EXOC4: variants seen among roughly 807,000 people sequenced by gnomAD.
The protein encoded by EXOC4 is exocyst complex component 4, also known as SEC8-like 1.
Under a neutral mutation model 107.2 loss-of-function variants are expected in EXOC4, and 71 were observed. The observed-to-expected ratio is 0.66, with a 90% CI of 0.55 to 0.81. EXOC4 has a LOEUF of 0.81. EXOC4 is among the 30% of genes least tolerant of loss of function. The pLI is 0.00. For synonymous variants in EXOC4, 456 were observed against 441.2 expected (o/e 1.03, Z -0.42); for missense variants, 1,108 against 1,189.6 (o/e 0.93, Z 1.01).
chr7:133,524,596 C>T (rs1800044772), intron 9 of EXOC4, among the ~76,000 whole-genome samples: 2 of 149,782 alleles, frequency 1.3e-5, no homozygotes, highest in Admixed American at 6.7e-5. Context: ...AGTCTTTAAT[C>T]CATCTTGAAT....
the EXOC4 span, among the ~76,000 whole-genome samples, chr7:134,080,994 G>A: frequency 1.3e-5 from 2 of 152,022 alleles, no homozygotes; most frequent in Non-Finnish European, 2.9e-5. Context: ...ACCTCCTTTA[G>A]GTCTCTGCTT....
chr7:133,777,775 A>C (rs1796377178), intron 10 of EXOC4, among the ~76,000 whole-genome samples: 1 of 152,222 alleles, frequency 6.6e-6, no homozygotes, highest in South Asian at 2.1e-4. Flanking sequence ...GATAATGATC[A>C]GTACCACCTT....
chr7:134,088,460 T>C, the EXOC4 span, among the ~76,000 whole-genome samples: 1 of 152,172 alleles, frequency 6.6e-6, no homozygotes. Flanking sequence ...AATTGTTTTC[T>C]TGTCTTTGAA....
At chr7:133,268,811 G>T (rs572418853) in intron 1 of EXOC4, among the ~76,000 whole-genome samples, 2 of 151,986 alleles carry the variant, frequency 1.3e-5, no homozygotes, top group Non-Finnish European at 2.9e-5. Context: ...GTGTACCGTG[G>T]TCCTTTTAGC....
intron 14 of EXOC4, among the ~76,000 whole-genome samples, chr7:133,969,105 A>T (rs894576255): frequency 2.0e-5 from 3 of 151,918 alleles, no homozygotes; most frequent in Non-Finnish European, 4.4e-5. Context: ...TCAGTCTCTG[A>T]TATCCTTTCT....
chr7:133,776,237 A>G (rs1796343055), intron 10 of EXOC4, among the ~76,000 whole-genome samples: 1 of 151,984 alleles, frequency 6.6e-6, no homozygotes, highest in Non-Finnish European at 1.5e-5. Flanking sequence ...CGTCGGTTCT[A>G]TGAATACAAA....
At chr7:133,522,278 A>C (rs1000230391) in intron 9 of EXOC4, among the ~76,000 whole-genome samples, 1 of 152,156 alleles carries the variant, frequency 6.6e-6, no homozygotes, top group East Asian at 1.9e-4. Flanking sequence ...AGTTTCAGCC[A>C]TAACTTAGTA....
chr7:133,916,364 C>G (rs1178345171), intron 12 of EXOC4, among the ~76,000 whole-genome samples: 2 of 152,152 alleles, frequency 1.3e-5, no homozygotes, highest in African/African-American at 2.4e-5. Flanking sequence ...GGGTTGGGGA[C>G]CCCTGCCCTA....
chr7:134,012,215 G>A (rs1205666484), intron 17 of EXOC4, among the ~76,000 whole-genome samples: 4 of 152,136 alleles, frequency 2.6e-5, no homozygotes, highest in Admixed American at 6.5e-5. Context: ...GTCTGGCCGC[G>A]ATGTTGAAAC....
At chr7:133,545,608 G>T (rs1432602060) in intron 9 of EXOC4, among the ~76,000 whole-genome samples, 2 of 152,042 alleles carry the variant, frequency 1.3e-5, no homozygotes, top group Non-Finnish European at 2.9e-5. Flanking sequence ...ATTTATTACA[G>T]ATTCTCCAGT....
At chr7:133,302,145 T>C (rs979216506) in intron 3 of EXOC4, among the ~76,000 whole-genome samples, 13 of 152,232 alleles carry the variant, frequency 8.5e-5, no homozygotes, top group African/African-American at 2.7e-4. Flanking sequence ...ATTCTTTTAG[T>C]TATAGAAACA....
intron 1 of EXOC4, among the ~76,000 whole-genome samples, chr7:133,259,651 T>C (rs1431988633): frequency 6.6e-6 from 1 of 152,146 alleles, no homozygotes; most frequent in Non-Finnish European, 1.5e-5. Flanking sequence ...ACAGTGAAAA[T>C]GCAGAAAACC....
At chr7:133,938,691 A>T (rs1172035967) in intron 14 of EXOC4, among the ~76,000 whole-genome samples, 2 of 152,268 alleles carry the variant, frequency 1.3e-5, no homozygotes, top group Non-Finnish European at 2.9e-5. Context: ...TAGGGCACAT[A>T]AACTTTAATA....
intron 11 of EXOC4, among the ~76,000 whole-genome samples, chr7:133,820,552 A>G (rs1797496104): frequency 6.6e-6 from 1 of 152,260 alleles, no homozygotes; most frequent in Non-Finnish European, 1.5e-5. Context: ...AGAATCCAAA[A>G]CAAATGTTAA....
chr7:133,961,280 C>CCTTT (rs1800936508), intron 14 of EXOC4, among the ~76,000 whole-genome samples: 1 of 77,010 alleles, frequency 1.3e-5, no homozygotes, highest in Non-Finnish European at 2.2e-5. Context: ...TCATGTCAAA[C>CCTTT]TTTTTTTTTT....
intron 7 of EXOC4, among the ~76,000 whole-genome samples, chr7:133,382,353 T>C (rs1363647413): frequency 1.3e-5 from 2 of 152,198 alleles, no homozygotes; most frequent in Non-Finnish European, 2.9e-5. Flanking sequence ...AATGATGGTT[T>C]AGTGTTAAAT....
chr7:133,897,534 A>G (rs1303343209), intron 12 of EXOC4, among the ~76,000 whole-genome samples: 1 of 152,180 alleles, frequency 6.6e-6, no homozygotes, highest in Non-Finnish European at 1.5e-5. Flanking sequence ...AAGCATAAAA[A>G]TATATTTCAT....
chr7:133,748,374 G>A (rs1368169678), intron 10 of EXOC4, among the ~76,000 whole-genome samples: 1 of 152,084 alleles, frequency 6.6e-6, no homozygotes, highest in African/African-American at 2.4e-5. Flanking sequence ...GAGAGTATGA[G>A]CTAGGCAGGT....
chr7:133,961,866 C>T (rs1800953038), intron 14 of EXOC4, among the ~76,000 whole-genome samples: 1 of 152,182 alleles, frequency 6.6e-6, no homozygotes, highest in South Asian at 2.1e-4. Flanking sequence ...TGTAGAACAC[C>T]AACCAGGTAG....
Sources: gnomAD v4.1 joint callset for allele counts (sites outside exome capture counted in the v4.1 genomes callset) on GRCh38, gnomAD v4.1.1 for gene constraint, MANE v1.5 for transcripts, NCBI Gene and HGNC (gene_info 2026-07-23, HGNC 2026-07-21) for gene names.